The following MED1 variants were observed in gnomAD, a reference collection of about 807,000 sequenced individuals.
MED1 encodes the protein mediator of RNA polymerase II transcription subunit 1.
MED1 carries 17 observed loss-of-function variants against 121.3 expected under a neutral mutation model. That is an observed-to-expected ratio of 0.14 (90% CI 0.10 to 0.21). MED1 has a LOEUF of 0.21. Among genes scored for constraint, MED1 ranks in the 10% least tolerant of loss-of-function variants. The pLI, the probability that MED1 is intolerant of heterozygous loss-of-function variation, is 1.00. For missense variants in MED1, 1,558 were observed against 1,919.4 expected (o/e 0.81, Z 3.52); for synonymous variants, 661 against 694.4 (o/e 0.95, Z 0.76).
At chr17:39,425,373 TG>T (rs1229210489) in intron 10 of MED1, among the ~76,000 whole-genome samples, 14 of 152,116 alleles carry the variant, frequency 9.2e-5, no homozygotes, top group African/African-American at 2.9e-4. Flanking sequence ...TTGTATGTTT[TG>T]TAGAGATGGG....
chr17:39,443,916 T>A (rs1339836375), intron 2 of MED1, among the ~76,000 whole-genome samples: 1 of 152,036 alleles, frequency 6.6e-6, no homozygotes, highest in Non-Finnish European at 1.5e-5. Context: ...ATCACTTGAG[T>A]CCAGGAGTTC....
At chr17:39,443,422 AT>A (rs1163200759) in intron 3 of MED1, 127 bp downstream of exon 3, 2 of 675,338 alleles carry the variant, frequency 3.0e-6, no homozygotes, top group Admixed American at 5.5e-5. Flanking sequence ...CCATAAATGA[AT>A]GCAAGAGCAA....
chr17:39,415,199 G>A (rs769940826), intron 15 of MED1, 45 bp downstream of exon 15: 1 of 1,608,320 alleles, frequency 6.2e-7, no homozygotes, highest in Non-Finnish European at 8.5e-7. Flanking sequence ...AAGACATAGG[G>A]ACCAAACCGC....
rs780490211 is a variant in MED1, at chr17:39,447,790, A to G, written c.132+8T>C. The stretch of plus-strand genomic sequence containing the variant: ...AAAACACTTTACCCACTTCACCACA[A>G]TCCTTACCATGACTTGACGCACAAG... On this transcript the variant is annotated splice_region_variant and intron_variant, in intron 2 of 16. Transcript: ENST00000300651. 5.6e-6 allele frequency: 9 copies of G among 1,600,804 alleles called. No homozygotes were observed. In the East Asian group the frequency reaches 1.3e-4, roughly 24 times the overall value.
intron 1 of MED1, 100 bp downstream of exon 1, chr17:39,450,938 C>T: frequency 4.0e-6 from 4 of 998,496 alleles, no homozygotes; most frequent in East Asian, 2.5e-5. Context: ...GGACTCTATG[C>T]CCCTAAAGTG....
chr17:39,410,197 G>A lies in MED1; in HGVS notation c.2024C>T (p.Ser675Leu). The A allele has an allele frequency of 3.7e-6, 6 of 1,614,090 alleles. No individual in the cohort carries two copies. The highest frequency in any genetic ancestry group is 1.1e-5 in the South Asian group (1 of 91,066). ...CCCCGAGCATATTTCCATGCGGGGT[G>A]AGCCGGAAGAGGAGTTCTGCCTTTC... Reference protein sequence around the residue: ...PLERQNSSSGSPRMEICSGSN... With the variant: ...PLERQNSSSGLPRMEICSGSN... The change falls in exon 17 of 17, where the codon TCA becomes TTA. Residue 675 changes from serine (S) to leucine (L), a missense_variant. Physicochemically the swap from Ser to Leu is moderately radical, Grantham distance 145. Coordinates refer to ENST00000300651, the MANE Select transcript of MED1 (RefSeq NM_004774.4).
intron 11 of MED1, 73 bp from the exon 12 acceptor site, chr17:39,423,894 T>G: frequency 6.7e-7 from 1 of 1,490,062 alleles, no homozygotes; most frequent in Non-Finnish European, 8.9e-7. Context: ...CACCTTTTTT[T>G]TTTTTGAGAC....
At position 39,410,211 on chromosome 17, in the gene MED1, G is replaced by T. The variant is rs1298373000; in HGVS notation, c.2010C>A (p.Asn670Lys). The change falls in exon 17 of 17, where the codon AAC (asparagine) becomes AAA (lysine). Residue 670 changes from asparagine (N) to lysine (K), a missense_variant. Asn to Lys is a moderately conservative substitution (Grantham distance 94). Around this residue, in one of 5 missense-constraint regions of MED1, gnomAD observed 793 missense variants for 898.2 expected, o/e 0.88. Transcript: ENST00000300651. ...CCATGCGGGGTGAGCCGGAAGAGGA[G>T]TTCTGCCTTTCTAAAGGGCTGCTTC... ...LYGSSPLERQNSSSGSPRMEI... is the reference protein window; with the variant it reads ...LYGSSPLERQKSSSGSPRMEI... 6.2e-7 allele frequency: 1 copy of T among 1,614,038 alleles called. No individual in the cohort carries two copies. The highest frequency in any genetic ancestry group is 8.5e-7 in the Non-Finnish European group (1 of 1,180,032).
rs1470263087 is a variant in MED1 at position 39,423,786 on chromosome 17, C to T, written c.887G>A (p.Ser296Asn). Residue 296 changes from serine to asparagine, a missense_variant, in exon 12 of 17, where the codon AGT becomes AAT. Transcript: ENST00000300651. ...GAAGAAACAGGCAGGAAGATCAACACTGTTGGCACTGGTGATTGAGGAGAA... is the reference window on the plus strand; with the variant it reads ...GAAGAAACAGGCAGGAAGATCAACATTGTTGGCACTGGTGATTGAGGAGAA... The part of the protein sequence containing the change: ...PSFSSITSAN[S>N]VDLPACFFLK... 4 of 1,613,546 alleles carry T rather than the reference C, an allele frequency of 2.5e-6. No individual in the cohort carries two copies. The African/African-American group carries it at 5.3e-5, about 22-fold the overall frequency.
At chr17:39,432,857 G>T (rs1190792252) in intron 7 of MED1, among the ~76,000 whole-genome samples, 1 of 152,156 alleles carries the variant, frequency 6.6e-6, no homozygotes. Flanking sequence ...GTGAGGTCAG[G>T]AGTTTGAGAC....
Position 39,408,378 on chromosome 17 carries a change from T to C in MED1, c.3843A>G (p.Ser1281=). The C allele has an allele frequency of 6.2e-7, 1 of 1,614,050 alleles. No homozygotes were observed. Among genetic ancestry groups the C allele is most frequent in the Middle Eastern group, 1.6e-4 (1 of 6,062 alleles). ...SSFSSSGSSM[S]SSQNQHGSSK... ...AACTCCCATGCTGGTTCTGAGAGGA[T>C]GACATGGAAGAGCCACTTGAGGAAA... is the stretch of plus-strand genomic sequence containing the variant. The change falls in exon 17 of 17, where the codon TCA becomes TCG. Residue 1281 remains serine (S), a synonymous_variant. Transcript: ENST00000300651. The surrounding 1 kb of genome is among the most constrained non-coding windows in gnomAD (Gnocchi z 4.7).
In MED1 at chr17:39,407,681, G is replaced by T; in HGVS notation, c.4540C>A (p.Arg1514=). The T allele has an allele frequency of 6.2e-7, 1 of 1,613,926 alleles. No homozygotes were observed. Among genetic ancestry groups the T allele is most frequent in the East Asian group, 2.2e-5 (1 of 44,880 alleles). ...TTGTCTCGGTCTTTGTCCCGGTCTC[G>T]GTCCCTATCTTTGTCTTTTACTTTC... ...KKKVKDKDRD[R]DRDKDRDKKK... is the part of the protein sequence containing the mutation. Residue 1514 remains arginine (R), a synonymous_variant, in exon 17 of 17, where the codon CGA becomes AGA. Coordinates refer to ENST00000300651, the MANE Select transcript of MED1 (RefSeq NM_004774.4).
chr17:39,437,130 C>G (rs972478519), intron 6 of MED1, among the ~76,000 whole-genome samples: 3 of 152,130 alleles, frequency 2.0e-5, no homozygotes, highest in Non-Finnish European at 2.9e-5. Flanking sequence ...CGGGGTTTCT[C>G]CGTGTTGGTC....
In MED1 at chr17:39,408,942, G is replaced by C; in HGVS notation, c.3279C>G (p.Gly1093=). ...AAGAATGGCTATGGTGGCTTTTGCT[G>C]CCTGAGGAAGACACAGAACCACTGC... is the stretch of plus-strand genomic sequence containing the variant. ...YTSSGSVSSS[G]SKSHHSHSSS... The change falls in exon 17 of 17, where the codon GGC becomes GGG. Residue 1093 remains glycine (G), a synonymous_variant. Transcript: ENST00000300651. The surrounding 1 kb of genome is among the most constrained non-coding windows in gnomAD (Gnocchi z 4.7). 2 of 1,614,174 alleles carry C rather than the reference G, an allele frequency of 1.2e-6. No individual in the cohort carries two copies. The highest frequency in any genetic ancestry group is 1.7e-6 in the Non-Finnish European group (2 of 1,180,042).
chr17:39,450,483 A>G (rs547822456), intron 1 of MED1, among the ~76,000 whole-genome samples: 58 of 152,350 alleles, frequency 3.8e-4, no homozygotes, highest in Admixed American at 1.1e-3. Context: ...CTAAGGCAGC[A>G]TCTTAGCCGG....
intron 14 of MED1, among the ~76,000 whole-genome samples, chr17:39,418,589 G>A (rs892947646): frequency 1.1e-4 from 16 of 151,496 alleles, no homozygotes; most frequent in African/African-American, 3.9e-4. Flanking sequence ...ATGTATATCT[G>A]CTACAGGGTA....
rs772731416 is a variant in MED1 at position 39,407,860 on chromosome 17, G to A, written c.4361C>T (p.Pro1454Leu). Residue 1454 changes from proline (P) to leucine (L), a missense_variant, in exon 17 of 17, where the codon CCA (proline) becomes CTA (leucine). Physicochemically the swap from Pro to Leu is moderately conservative, Grantham distance 98 (BLOSUM62 -3). This residue lies in a region of MED1 where 264 missense variants were observed against 326.1 expected (regional missense o/e 0.81). Coordinates refer to ENST00000300651, the MANE Select transcript of MED1 (RefSeq NM_004774.4). ...GTCCAGATTCTGGGGGGTATATGCT[G>A]GTGACTTACTATGGCTGGGAGAGCC... ...ERGSPSHSKS[P>L]AYTPQNLDSE... The A allele has an allele frequency of 1.4e-5, 22 of 1,614,146 alleles. No homozygotes were observed. Among genetic ancestry groups the A allele is most frequent in the Non-Finnish European group, 1.8e-5 (21 of 1,180,040 alleles).
Position 39,405,250 on chromosome 17 carries a change from G to A in MED1, c.*2225C>T. ...AGATGCTGGGTCAGTGTGGGGGTGA[G>A]CCCATCGACAATTCAGGGGCTTATC... On this transcript the variant is annotated 3_prime_UTR_variant, in exon 17 of 17. Transcript: ENST00000300651. 1 of 1,598,836 alleles carries A rather than the reference G, an allele frequency of 6.3e-7. No individual in the cohort carries two copies. The highest frequency in any genetic ancestry group is 8.5e-7 in the Non-Finnish European group (1 of 1,172,996).
intron 9 of MED1, among the ~76,000 whole-genome samples, chr17:39,428,840 T>C (rs1284579178): frequency 6.7e-6 from 1 of 150,282 alleles, no homozygotes; most frequent in East Asian, 2.0e-4. Context: ...TAGTCCCAAC[T>C]ACTCGGGAGG....
Sources: gnomAD v4.1 joint callset for allele counts (sites outside exome capture counted in the v4.1 genomes callset) on GRCh38, gnomAD v4.1.1 for gene constraint, gnomAD v4.1.1 regional missense constraint, Gnocchi (gnomAD v3.1) non-coding constraint, MANE v1.5 for transcripts, NCBI Gene and HGNC (gene_info 2026-07-23, HGNC 2026-07-21) for gene names.